ZMYND11: variants seen among roughly 807,000 people sequenced by gnomAD.
The protein encoded by ZMYND11 is zinc finger MYND domain-containing protein 11.
ZMYND11 carries 9 observed loss-of-function variants against 84.9 expected under a neutral mutation model. The ratio of observed to expected loss-of-function variants is 0.11; its 90% CI spans 0.06 to 0.18. The LOEUF (loss-of-function observed/expected upper bound fraction) is 0.18. Among genes scored for constraint, ZMYND11 ranks in the 10% least tolerant of loss-of-function variants. The pLI is 1.00. For synonymous variants in ZMYND11, 250 were observed against 244.1 expected (o/e 1.02, Z -0.23); for missense variants, 409 against 761.0 (o/e 0.54, Z 5.44).
intron 2 of ZMYND11, among the ~76,000 whole-genome samples, chr10:189,462 G>T (rs1314650916): frequency 1.3e-5 from 2 of 152,188 alleles, no homozygotes; most frequent in Admixed American, 6.5e-5. Flanking sequence ...TACTGTTTAT[G>T]TAATCCCAAG....
chr10:247,505 A>AAC, intron 12 of ZMYND11, 39 bp downstream of exon 12: 1 of 1,586,994 alleles, frequency 6.3e-7, no homozygotes, highest in Non-Finnish European at 8.6e-7. Flanking sequence ...TGGCAAATGA[A>AAC]ACAGGAAATA....
At chr10:150,009 T>A (rs903166809) in intron 1 of ZMYND11, among the ~76,000 whole-genome samples, 13 of 152,324 alleles carry the variant, frequency 8.5e-5, no homozygotes, top group Non-Finnish European at 1.2e-4. Flanking sequence ...CTGGATTCGG[T>A]TTGCCAGTAT....
At chr10:241,993 A>G in intron 9 of ZMYND11, 28 bp from the exon 10 acceptor site, 2 of 1,610,936 alleles carry the variant, frequency 1.2e-6, no homozygotes, top group South Asian at 1.1e-5. Context: ...TAAAAGTAAT[A>G]TAACAAGGTA....
At chr10:194,666 A>G (rs1356442997) in intron 2 of ZMYND11, among the ~76,000 whole-genome samples, 1 of 152,206 alleles carries the variant, frequency 6.6e-6, no homozygotes, top group Admixed American at 6.5e-5. Flanking sequence ...TTTCCCTGAT[A>G]CAAGCATATT....
At chr10:175,840 A>C (rs1554766815) in intron 1 of ZMYND11, among the ~76,000 whole-genome samples, 1 of 152,202 alleles carries the variant, frequency 6.6e-6, no homozygotes, top group Admixed American at 6.5e-5. Context: ...AAAAGTAATA[A>C]TATTTGATGC....
Position 236,892 on chromosome 10 carries a change from A to G in ZMYND11, c.493A>G (p.Ile165Val). 2 of 1,613,756 alleles carry G rather than the reference A, an allele frequency of 1.2e-6. No homozygotes were observed. Among genetic ancestry groups the G allele is most frequent in the Non-Finnish European group, 1.7e-6 (2 of 1,179,886 alleles). ...KQEMGTYLRFIVSRMKERAID... is the reference protein window; with the variant it reads ...KQEMGTYLRFVVSRMKERAID... ...GGAGATGGGCACATACCTCAGATTC[A>G]TTGTCTCCCGCATGAAGGAGAGGGT... is the stretch of plus-strand genomic sequence containing the variant. Residue 165 changes from isoleucine to valine, a missense_variant, in exon 5 of 15, where the codon ATT (isoleucine) becomes GTT (valine). By Grantham distance (29) the Ile-to-Val change is conservative. Coordinates refer to ENST00000381604, the MANE Select transcript of ZMYND11 (RefSeq NM_001370100.5).
chr10:243,912 A>G (rs1951580264), intron 10 of ZMYND11, among the ~76,000 whole-genome samples: 2 of 152,198 alleles, frequency 1.3e-5, no homozygotes, highest in South Asian at 4.1e-4. Context: ...GTCCTAGAGT[A>G]GTCTGTCACC....
intron 1 of ZMYND11, among the ~76,000 whole-genome samples, chr10:141,373 C>A (rs1564252911): frequency 6.6e-6 from 1 of 152,178 alleles, no homozygotes; most frequent in African/African-American, 2.4e-5. Flanking sequence ...CAGAGTAACA[C>A]ATTTACTGAA....
intron 2 of ZMYND11, among the ~76,000 whole-genome samples, chr10:183,280 C>T (rs1327488867): frequency 5.9e-5 from 8 of 134,696 alleles, no homozygotes; most frequent in East Asian, 2.2e-4. Context: ...TGTGATTTTT[C>T]CATAGTCCGG....
intron 2 of ZMYND11, among the ~76,000 whole-genome samples, chr10:197,473 G>T (rs1564363844): frequency 6.6e-6 from 1 of 152,176 alleles, no homozygotes; most frequent in Non-Finnish European, 1.5e-5. Flanking sequence ...ATGAAATAGA[G>T]CCACAAGTAA....
intron 3 of ZMYND11, among the ~76,000 whole-genome samples, chr10:220,519 A>G (rs149596108): frequency 1.3e-5 from 2 of 152,308 alleles, no homozygotes; most frequent in Non-Finnish European, 2.9e-5. Context: ...ATTTCTAGGA[A>G]TAGCCCCAGT....
rs1243028153 is a variant in ZMYND11 at position 249,117 on chromosome 10, T to G, written c.1686+29T>G. The G allele has an allele frequency of 3.7e-6, 6 of 1,613,514 alleles. No individual in the cohort carries two copies. In the African/African-American group the frequency reaches 8.0e-5, roughly 22 times the overall value. Reference sequence around the variant, plus strand: ...AATACCAGTCTTTTTTAGACCCTTATTTCTGAAAATGTACCACAGGTATGA... The same window carrying G: ...AATACCAGTCTTTTTTAGACCCTTAGTTCTGAAAATGTACCACAGGTATGA... On this transcript the variant is annotated intron_variant, in intron 14 of 14. Transcript: ENST00000381604.
chr10:221,101 C>T (rs913217096), intron 3 of ZMYND11, 94 bp from the exon 4 acceptor site: 11 of 1,097,686 alleles, frequency 1.0e-5, no homozygotes, highest in Non-Finnish European at 1.5e-5. Flanking sequence ...GTTTATGATG[C>T]CTAACTTCTG....
In ZMYND11 at chr10:190,323, T is replaced by G. The variant is rs138496755; in HGVS notation, c.116+10195T>G. On this transcript the variant is annotated intron_variant, in intron 2 of 14. Transcript: ENST00000381604. ...TGGTCCACTGTTGCAAACGTTTTCC[T>G]GCTGCCCGTGAAGTCCACATTCCCA... Among the ~76,000 whole-genome samples the G allele has an allele frequency of 1.9e-3, 296 of 152,302 alleles. 2 individuals are homozygous for G. Among genetic ancestry groups the G allele is most frequent in the Non-Finnish European group, 2.1e-3 (140 of 68,034 alleles).
intron 2 of ZMYND11, among the ~76,000 whole-genome samples, chr10:209,081 G>T (rs1944710657): frequency 6.6e-6 from 1 of 151,876 alleles, no homozygotes; most frequent in African/African-American, 2.4e-5. Context: ...GTTGAGGTTT[G>T]TTTGGAGGAG....
intron 1 of ZMYND11, among the ~76,000 whole-genome samples, chr10:158,583 ATT>A (rs375793309): frequency 1.2e-4 from 16 of 132,300 alleles, no homozygotes; most frequent in East Asian, 2.2e-4. Flanking sequence ...TACCCAGCTA[ATT>A]TTTTTTTTTT....
At chr10:198,423 A>C (rs1361798579) in intron 2 of ZMYND11, among the ~76,000 whole-genome samples, 2 of 152,184 alleles carry the variant, frequency 1.3e-5, no homozygotes, top group African/African-American at 4.8e-5. Context: ...GTTAACAAAA[A>C]TATAATTGAA....
intron 8 of ZMYND11, 73 bp downstream of exon 8, chr10:240,184 C>G: frequency 7.7e-7 from 1 of 1,291,714 alleles, no homozygotes; most frequent in East Asian, 2.5e-5. Context: ...CCACTCTTAT[C>G]TACATTTTAG....
At chr10:210,088 T>C (rs372057779) in intron 3 of ZMYND11, 40 bp downstream of exon 3, 52 of 1,599,432 alleles carry the variant, frequency 3.3e-5, no homozygotes, top group Admixed American at 6.8e-5. Context: ...GATGTGAACT[T>C]TTAGCTTTTA....
Sources: gnomAD v4.1 joint callset for allele counts (sites outside exome capture counted in the v4.1 genomes callset) on GRCh38, gnomAD v4.1.1 for gene constraint, MANE v1.5 for transcripts, NCBI Gene and HGNC (gene_info 2026-07-23, HGNC 2026-07-21) for gene names.